TM4SF20: variants seen among roughly 807,000 people sequenced by gnomAD.
TM4SF20 encodes the protein transmembrane 4 L6 family member 20.
In TM4SF20, 13 loss-of-function variants were observed where a neutral mutation model predicts 15.1. That is an observed-to-expected ratio of 0.86 (90% confidence interval 0.56 to 1.36). The LOEUF (loss-of-function observed/expected upper bound fraction) is 1.36. Ranked by LOEUF, TM4SF20 falls within the 40% of genes most tolerant of loss-of-function variation. TM4SF20 has a pLI of 0.00. For missense variants in TM4SF20, 282 were observed against 268.4 expected, an observed-to-expected ratio of 1.05 and a Z score of -0.35; for synonymous variants, 92 against 96.6, an observed-to-expected ratio of 0.95 and a Z score of 0.28.
chr2:227,379,471 G>A (rs1404318401), upstream of TM4SF20: 2 of 457,610 alleles, frequency 4.4e-6, no homozygotes, highest in Middle Eastern at 5.6e-4. Context: ...ATGAGGTGAA[G>A]GAAGGAAAGC....
intron 1 of TM4SF20, among the ~76,000 whole-genome samples, chr2:227,375,039 G>A (rs890115651): frequency 2.0e-5 from 3 of 151,736 alleles, no homozygotes; most frequent in Non-Finnish European, 4.4e-5. Context: ...TGATTCTCCT[G>A]CCTCAGCCTC....
chr2:227,363,950 G>A lies in TM4SF20; in HGVS notation c.464C>T (p.Thr155Ile). The change falls in exon 4 of 4, where the codon ACT becomes ATT. Residue 155 changes from threonine (T) to isoleucine (I), a missense_variant. Thr to Ile is a moderately conservative substitution (Grantham distance 89, BLOSUM62 -1). Transcript: ENST00000304568. ...GTTACTGGTGGGTTTATTGAAACCA[G>A]TAGGAGGTGCACAAGAGTCATTGAA... ...WFFNDSCAPP[T>I]GFNKPTSNDT... 6.2e-7 allele frequency: 1 copy of A among 1,614,220 alleles called. No individual in the cohort carries two copies. The highest frequency in any genetic ancestry group is 8.5e-7 in the Non-Finnish European group (1 of 1,180,042).
intron 2 of TM4SF20, among the ~76,000 whole-genome samples, chr2:227,368,127 C>G (rs2076402108): frequency 6.7e-6 from 1 of 149,040 alleles, no homozygotes; most frequent in Non-Finnish European, 1.5e-5. Flanking sequence ...GGGTTCACGC[C>G]ATTCTCCTGC....
intron 1 of TM4SF20, among the ~76,000 whole-genome samples, chr2:227,377,873 T>C (rs912824379): frequency 1.3e-5 from 2 of 151,854 alleles, no homozygotes; most frequent in African/African-American, 4.8e-5. Context: ...AAATAAATAA[T>C]GGGTAGTAGG....
In TM4SF20 at chr2:227,363,867, T is replaced by C; in HGVS notation, c.547A>G (p.Lys183Glu). The change falls in exon 4 of 4, where the codon AAA becomes GAA. Residue 183 changes from lysine (K) to glutamate (E), a missense_variant. By Grantham distance (56) the Lys-to-Glu change is moderately conservative (BLOSUM62 1). Coordinates refer to ENST00000304568, the MANE Select transcript of TM4SF20 (RefSeq NM_024795.4). The stretch of plus-strand genomic sequence containing the variant: ...ACTGAGAAGTGGATAAGCCTATGTT[T>C]GTTTTCTTCAGAATCGAAGTGGAAA... ...SSFHFDSEENKHRLIHFSVFL... is the reference protein window; with the variant it reads ...SSFHFDSEENEHRLIHFSVFL... 1 of 1,614,204 alleles carries C rather than the reference T, an allele frequency of 6.2e-7. No individual in the cohort carries two copies. Among genetic ancestry groups the C allele is most frequent in the Non-Finnish European group, 8.5e-7 (1 of 1,180,050 alleles).
chr2:227,365,281 G>A (rs958381276), intron 3 of TM4SF20, among the ~76,000 whole-genome samples: 7 of 152,148 alleles, frequency 4.6e-5, no homozygotes, highest in Admixed American at 2.0e-4. Context: ...AATGTAGCAA[G>A]GTAAGGGAAA....
At chr2:227,366,842 G>C (rs1244273026) in intron 2 of TM4SF20, among the ~76,000 whole-genome samples, 1 of 147,154 alleles carries the variant, frequency 6.8e-6, no homozygotes, top group East Asian at 2.1e-4. Context: ...CTGAGATCTA[G>C]TTCCTCCCTG....
intron 3 of TM4SF20, among the ~76,000 whole-genome samples, chr2:227,365,121 G>T (rs949926931): frequency 6.6e-6 from 1 of 152,210 alleles, no homozygotes; most frequent in Non-Finnish European, 1.5e-5. Context: ...ATGTTGACCA[G>T]GCTGATCTCA....
upstream of TM4SF20, among the ~76,000 whole-genome samples, chr2:227,379,550 C>A (rs1221552804): frequency 6.6e-6 from 1 of 152,140 alleles, no homozygotes; most frequent in Non-Finnish European, 1.5e-5. Context: ...TTAATATACT[C>A]CTTTATTAGT....
Position 227,366,073 on chromosome 2 carries a change from G to T in TM4SF20, c.401+20C>A, listed in dbSNP as rs1279018811. ...TTCAACTGTGTGAGACAGTAAGCCT[G>T]TGAAAATCAAGTTACTTACCTGATG... On this transcript the variant is annotated intron_variant, in intron 3 of 3. Transcript: ENST00000304568. The T allele has an allele frequency of 6.2e-7, 1 of 1,607,018 alleles. No individual in the cohort carries two copies.
At position 227,364,017 on chromosome 2, in the gene TM4SF20, AAAAC is replaced by A. The variant is rs767933673; in HGVS notation, c.402-9_402-6del. 7 of 1,601,318 alleles carry A rather than the reference AAAAC, an allele frequency of 4.4e-6. No individual in the cohort carries two copies. The highest frequency in any genetic ancestry group is 2.7e-5 in the African/African-American group (2 of 74,222). On this transcript the variant is annotated splice_region_variant and splice_polypyrimidine_tract_variant and intron_variant, in intron 3 of 3. Transcript: ENST00000304568. ...AAGGATTCTGGATGAATGTCACTGAAAAACAAAAGATAAAAATCAGATATTCAGA... is the reference window on the plus strand; with the variant it reads ...AAGGATTCTGGATGAATGTCACTGAAAAAAGATAAAAATCAGATATTCAGA...
intron 2 of TM4SF20, among the ~76,000 whole-genome samples, 181 bp from the exon 3 acceptor site, chr2:227,366,425 C>T (rs542306334): frequency 6.6e-6 from 1 of 152,008 alleles, no homozygotes; most frequent in South Asian, 2.1e-4. Flanking sequence ...TATTTGATTA[C>T]ACTCAATAAA....
chr2:227,379,528 C>A (rs539476695), upstream of TM4SF20, among the ~76,000 whole-genome samples: 1 of 152,078 alleles, frequency 6.6e-6, no homozygotes, highest in Non-Finnish European at 1.5e-5. Context: ...GATAGGCTTA[C>A]GATAAGCTCC....
At chr2:227,375,643 C>T (rs1238719577) in intron 1 of TM4SF20, among the ~76,000 whole-genome samples, 1 of 126,882 alleles carries the variant, frequency 7.9e-6, no homozygotes, top group Non-Finnish European at 1.8e-5. Flanking sequence ...GAGCCCACCA[C>T]CAAGCCTGGC....
chr2:227,372,057 T>C (rs2076423468), intron 1 of TM4SF20, among the ~76,000 whole-genome samples: 1 of 152,148 alleles, frequency 6.6e-6, no homozygotes, highest in South Asian at 2.1e-4. Context: ...ATGTAATTAT[T>C]TCCTTCCGCT....
At chr2:227,372,366 C>T (rs1431707038) in intron 1 of TM4SF20, among the ~76,000 whole-genome samples, 2 of 152,142 alleles carry the variant, frequency 1.3e-5, no homozygotes, top group Non-Finnish European at 1.5e-5. Flanking sequence ...AGTCATTTGG[C>T]TGGGCGCGGT....
At position 227,370,683 on chromosome 2, in the gene TM4SF20, G is replaced by A. The variant is rs571664045; in HGVS notation, c.249+232C>T. Among the ~76,000 whole-genome samples the A allele has an allele frequency of 1.2e-4, 19 of 152,124 alleles. 1 individual carries two copies. The South Asian group carries it at 3.9e-3, about 32-fold the overall frequency. ...TGAGGCAGGAGAATTGCTTGATCCC[G>A]GGAGGCAGAAGTTTCAGTGAACCGA... On this transcript the variant is annotated intron_variant, in intron 2 of 3. Transcript: ENST00000304568.
At chr2:227,379,591 C>G (rs551735949), upstream of TM4SF20, among the ~76,000 whole-genome samples, 1 of 152,268 alleles carries the variant, frequency 6.6e-6, no homozygotes, top group Admixed American at 6.5e-5. Context: ...ACAAAAATAT[C>G]CAGCTAAACT....
chr2:227,363,534 A>C lies in TM4SF20; in HGVS notation c.*190T>G, dbSNP rs1421322367. On this transcript the variant is annotated 3_prime_UTR_variant, in exon 4 of 4. Coordinates refer to ENST00000304568, the MANE Select transcript of TM4SF20 (RefSeq NM_024795.4). Reference sequence around the variant, plus strand: ...AAGAGGTAAAAAATTTGAATAGTACAACACAAAACTAATTGAAAATTCTCT... The same window carrying C: ...AAGAGGTAAAAAATTTGAATAGTACCACACAAAACTAATTGAAAATTCTCT... 1.5e-5 allele frequency: 9 copies of C among 611,054 alleles called. No homozygotes were observed. Among genetic ancestry groups the C allele is most frequent in the Non-Finnish European group, 2.5e-5 (9 of 358,190 alleles). 37.9% of individuals were successfully genotyped at this position (611,054 alleles called of 1,614,324 possible). A position where few individuals can be genotyped will look rare whatever the true frequency, so the allele number is the denominator to read the frequency against.
Sources: gnomAD v4.1 joint callset for allele counts (sites outside exome capture counted in the v4.1 genomes callset) on GRCh38, gnomAD v4.1.1 for gene constraint, MANE v1.5 for transcripts, NCBI Gene and HGNC (gene_info 2026-07-23, HGNC 2026-07-21) for gene names.